STEEP1: variants seen among roughly 807,000 people sequenced by gnomAD.
STEEP1 encodes the protein STING1 ER exit protein 1, also known as STING ER exit protein.
In STEEP1, 3 loss-of-function variants were observed where a neutral mutation model predicts 19.2. The ratio of observed to expected loss-of-function variants is 0.16; its 90% CI spans 0.07 to 0.40. The LOEUF (loss-of-function observed/expected upper bound fraction) is 0.40, where lower values mean the gene tolerates loss of function less well. Among genes scored for constraint, STEEP1 ranks in the 10% least tolerant of loss-of-function variants. The probability of loss-of-function intolerance (pLI) is 0.99; values close to 1 mark genes in which losing one functional copy is unlikely to be tolerated. For missense variants in STEEP1, 54 were observed against 177.1 expected, an observed-to-expected ratio of 0.30 and a Z score of 3.94; for synonymous variants, 46 against 63.7, an observed-to-expected ratio of 0.72 and a Z score of 1.32.
chrX:119,554,525 C>A (rs914392341), intron 2 of STEEP1, among the ~76,000 whole-genome samples: 1 of 111,736 alleles, frequency 8.9e-6, no homozygotes, highest in Non-Finnish European at 1.9e-5. Context: ...GGTACTAACA[C>A]CCTTGTATAG....
intron 2 of STEEP1, among the ~76,000 whole-genome samples, chrX:119,558,451 G>A (rs1317049263): frequency 1.8e-5 from 2 of 110,987 alleles, no homozygotes; most frequent in East Asian, 2.9e-4. Context: ...GCAGGAGAAC[G>A]GCGTGAACCT....
chrX:119,563,749 C>G (rs1028019287), intron 1 of STEEP1, among the ~76,000 whole-genome samples: 3 of 110,893 alleles, frequency 2.7e-5, no homozygotes, highest in Non-Finnish European at 3.8e-5. Flanking sequence ...AAGAAGCAGT[C>G]AGATCCTGCA....
rs1014755635 is a variant in STEEP1, at chrX:119,538,830, G to A, written c.*897C>T. On this transcript the variant is annotated 3_prime_UTR_variant, in exon 7 of 7. Coordinates refer to ENST00000644802, the MANE Select transcript of STEEP1 (RefSeq NM_022101.4). ...CTTTTCCTTCTTTGAGTATAAAGTC[G>A]ATACGGGATGGCTCGCCTACAGCTT... 5.4e-5 allele frequency: 6 copies of A among 111,371 alleles called. No homozygotes were observed. Among genetic ancestry groups the A allele is most frequent in the Non-Finnish European group, 7.5e-5 (4 of 53,133 alleles). 9.2% of individuals were successfully genotyped at this position (111,371 alleles called of 1,213,427 possible).
In STEEP1 at chrX:119,542,055, C is replaced by CTTTTT. The variant is rs201339708; in HGVS notation, c.513+445_513+449dup. On this transcript the variant is annotated intron_variant, in intron 5 of 6. Coordinates refer to ENST00000644802, the MANE Select transcript of STEEP1 (RefSeq NM_022101.4). ...TCACTGTCAGAGTTTCTTTTCTTTT[C>CTTTTT]TTTTTTTTTTTTTTTTTTTTTTTTT... is the stretch of plus-strand genomic sequence containing the variant. Among the ~76,000 whole-genome samples the CTTTTT allele has an allele frequency of 4.5e-3, 373 of 82,789 alleles. 8 individuals carry two copies. The highest frequency in any genetic ancestry group is 6.6e-3 in the Middle Eastern group (1 of 152). The allele number at this position is 82,789 out of a possible 115,157, so 71.9% of individuals were successfully genotyped here. A position where few individuals can be genotyped will look rare whatever the true frequency, so the allele number is the denominator to read the frequency against.
At chrX:119,554,475 T>C (rs1569400562) in intron 2 of STEEP1, among the ~76,000 whole-genome samples, 1 of 111,135 alleles carries the variant, frequency 9.0e-6, no homozygotes, top group Admixed American at 9.6e-5. Context: ...CTGGCTGTGG[T>C]AGCTAGCCTC....
chrX:119,544,451 C>T lies in STEEP1; in HGVS notation c.325G>A (p.Ala109Thr). The T allele has an allele frequency of 8.3e-7, 1 of 1,210,235 alleles. No homozygotes were observed. Among genetic ancestry groups the T allele is most frequent in the South Asian group, 1.8e-5 (1 of 56,907 alleles). ...CCATCCACAATGAAGGTAACAGGAGCATTCTTTGGCTGGGATTGGTAGAAG... is the reference window on the plus strand; with the variant it reads ...CCATCCACAATGAAGGTAACAGGAGTATTCTTTGGCTGGGATTGGTAGAAG... ...PLFYQSQPKN[A>T]PVTFIVDGAV... The change falls in exon 4 of 7, where the codon GCT becomes ACT. Residue 109 changes from alanine (A) to threonine (T), a missense_variant. By Grantham distance (58) the Ala-to-Thr change is moderately conservative (BLOSUM62 0). Transcript: ENST00000644802.
chrX:119,551,405 T>A (rs5956130), intron 2 of STEEP1, among the ~76,000 whole-genome samples: 1 of 105,094 alleles, frequency 9.5e-6, no homozygotes, highest in Admixed American at 1.0e-4. Flanking sequence ...GCTTGAACCC[T>A]GGAGGTGGAG....
Position 119,539,477 on chromosome X carries a change from G to A in STEEP1, c.*250C>T, listed in dbSNP as rs2053146822. 1 of 247,619 alleles carries A rather than the reference G, an allele frequency of 4.0e-6. No homozygotes were observed. 20.4% of individuals were successfully genotyped at this position (247,619 alleles called of 1,213,427 possible). A position where few individuals can be genotyped will look rare whatever the true frequency, so the allele number is the denominator to read the frequency against. On this transcript the variant is annotated 3_prime_UTR_variant, in exon 7 of 7. Coordinates refer to ENST00000644802, the MANE Select transcript of STEEP1 (RefSeq NM_022101.4). ...ACCCGGGAGGCGGAGGTTGCAGTGA[G>A]CCGAGATCGCACCACTGCACTCCAT...
At chrX:119,551,132 A>C (rs901639372) in intron 2 of STEEP1, among the ~76,000 whole-genome samples, 2 of 111,930 alleles carry the variant, frequency 1.8e-5, no homozygotes, top group African/African-American at 6.5e-5. Flanking sequence ...ATAAGGGACT[A>C]GTATGCATAA....
At chrX:119,548,532 C>CAAA (rs59210283) in intron 2 of STEEP1, among the ~76,000 whole-genome samples, 4 of 47,970 alleles carry the variant, frequency 8.3e-5, no homozygotes, top group Non-Finnish European at 1.4e-4. Context: ...GACTCTGTCT[C>CAAA]AAAAAAAAAA....
intron 2 of STEEP1, among the ~76,000 whole-genome samples, chrX:119,554,402 G>A (rs1374106280): frequency 3.6e-5 from 4 of 111,387 alleles, no homozygotes; most frequent in South Asian, 3.8e-4. Flanking sequence ...CCAAGATTGC[G>A]CCACTGCACT....
At chrX:119,557,564 T>C (rs150025729) in intron 2 of STEEP1, among the ~76,000 whole-genome samples, 4,932 of 108,500 alleles carry the variant, frequency 0.045, 95 homozygotes, top group South Asian at 0.095. Context: ...TATTTGGAAA[T>C]AGTGATGTTG....
chrX:119,559,769 C>T (rs997159632), intron 2 of STEEP1, among the ~76,000 whole-genome samples: 2 of 112,445 alleles, frequency 1.8e-5, no homozygotes, highest in Non-Finnish European at 3.8e-5. Context: ...AATGGAGGGG[C>T]CGGGCACAGT....
At chrX:119,542,060 T>C (rs890082224) in intron 5 of STEEP1, among the ~76,000 whole-genome samples, 17 of 6,069 alleles carry the variant, frequency 2.8e-3, no homozygotes, top group African/African-American at 0.014. Flanking sequence ...CTTTTCTTTT[T>C]TTTTTTTTTT....
chrX:119,555,620 C>G (rs1434992615), intron 2 of STEEP1, among the ~76,000 whole-genome samples: 2 of 110,538 alleles, frequency 1.8e-5, no homozygotes, highest in African/African-American at 6.6e-5. Context: ...AGAGGATAGA[C>G]TGGAGGAGAG....
intron 2 of STEEP1, among the ~76,000 whole-genome samples, chrX:119,554,342 A>C (rs1432885194): frequency 9.0e-6 from 1 of 111,117 alleles, no homozygotes; most frequent in Non-Finnish European, 1.9e-5. Flanking sequence ...CTACTCGGGA[A>C]GCTGAGGCAG....
rs1443606629 is a variant in STEEP1 at position 119,544,503 on chromosome X, C to T, written c.285-12G>A. The T allele has an allele frequency of 1.7e-6, 2 of 1,203,107 alleles. No homozygotes were observed. The highest frequency in any genetic ancestry group is 2.2e-6 in the Non-Finnish European group (2 of 891,004). On this transcript the variant is annotated splice_polypyrimidine_tract_variant and intron_variant, in intron 3 of 6. Coordinates refer to ENST00000644802, the MANE Select transcript of STEEP1 (RefSeq NM_022101.4). ...GCGGCAGTCCACACCTGCAATGACA[C>T]AGTGAATTTCTGCGAGGTCTCATAA...
chrX:119,559,494 A>C (rs932023789), intron 2 of STEEP1, among the ~76,000 whole-genome samples: 1 of 111,408 alleles, frequency 9.0e-6, no homozygotes, highest in African/African-American at 3.3e-5. Flanking sequence ...CATCTTTTGA[A>C]GCCTTTCCTG....
intron 2 of STEEP1, among the ~76,000 whole-genome samples, chrX:119,551,260 C>A (rs2053239738): frequency 9.1e-6 from 1 of 110,250 alleles, no homozygotes; most frequent in Admixed American, 9.8e-5. Flanking sequence ...GCAGGTGGAT[C>A]ACCTGAGGTC....
Sources: gnomAD v4.1 joint callset for allele counts (sites outside exome capture counted in the v4.1 genomes callset) on GRCh38, gnomAD v4.1.1 for gene constraint, MANE v1.5 for transcripts, NCBI Gene and HGNC (gene_info 2026-07-23, HGNC 2026-07-21) for gene names.